CDC42BPB: variants seen among roughly 807,000 people sequenced by gnomAD.
CDC42BPB encodes CDC42 binding protein kinase beta.
A neutral mutation model predicts 214.9 loss-of-function variants in CDC42BPB; 37 were observed. That is an observed-to-expected ratio of 0.17 (90% CI 0.13 to 0.23). CDC42BPB has a LOEUF of 0.23. CDC42BPB is among the 10% of genes least tolerant of loss of function. The probability of loss-of-function intolerance (pLI) is 1.00; values close to 1 mark genes in which losing one functional copy is unlikely to be tolerated. For missense variants in CDC42BPB, 1,694 were observed against 2,227.0 expected, an observed-to-expected ratio of 0.76 and a Z score of 4.82; for synonymous variants, 931 against 884.0, an observed-to-expected ratio of 1.05 and a Z score of -0.94.
chr14:102,965,217 C>CCAGCG (rs1276585864), intron 18 of CDC42BPB, among the ~76,000 whole-genome samples: 1 of 152,080 alleles, frequency 6.6e-6, no homozygotes, highest in African/African-American at 2.4e-5. Flanking sequence ...CAGGCATGAG[C>CCAGCG]CGCTGCGCCT....
At chr14:103,055,177 C>T (rs1007946776) in intron 1 of CDC42BPB, among the ~76,000 whole-genome samples, 1 of 152,256 alleles carries the variant, frequency 6.6e-6, no homozygotes, top group African/African-American at 2.4e-5. Flanking sequence ...AATCCCAGCA[C>T]TTTGGGAGGC....
chr14:103,049,113 CA>C, intron 1 of CDC42BPB, among the ~76,000 whole-genome samples: 1 of 152,262 alleles, frequency 6.6e-6, no homozygotes. Flanking sequence ...AGTGGAGGGA[CA>C]ATGTAGAACA....
chr14:102,978,962 G>GT (rs1384503770), intron 8 of CDC42BPB, among the ~76,000 whole-genome samples: 1 of 152,190 alleles, frequency 6.6e-6, no homozygotes, highest in African/African-American at 2.4e-5. Context: ...AGCTGAGGTT[G>GT]TATCACTGTA....
At chr14:102,998,560 G>C (rs371902624) in intron 5 of CDC42BPB, among the ~76,000 whole-genome samples, 4 of 152,254 alleles carry the variant, frequency 2.6e-5, no homozygotes, top group African/African-American at 9.6e-5. Flanking sequence ...CTCAGGACAA[G>C]AGGGATGTGA....
chr14:103,014,825 C>CACT (rs1886363406), intron 1 of CDC42BPB, among the ~76,000 whole-genome samples: 1 of 152,122 alleles, frequency 6.6e-6, no homozygotes, highest in Non-Finnish European at 1.5e-5. Flanking sequence ...GAGCTGCACT[C>CACT]CAGCCTGGGC....
At chr14:103,043,578 T>C (rs1888127731) in intron 1 of CDC42BPB, among the ~76,000 whole-genome samples, 1 of 152,064 alleles carries the variant, frequency 6.6e-6, no homozygotes, top group Admixed American at 6.6e-5. Flanking sequence ...ATGGCGAAGA[T>C]GGTTGCATGA....
chr14:102,981,701 C>T (rs943807333), intron 7 of CDC42BPB, among the ~76,000 whole-genome samples: 5 of 152,104 alleles, frequency 3.3e-5, no homozygotes, highest in African/African-American at 1.2e-4. Flanking sequence ...CGCTTAAACT[C>T]GGGAGGTGCA....
rs57459341 is a variant in CDC42BPB at position 102,988,353 on chromosome 14, TAAAA to T, written c.597-1777_597-1774del. Among the ~76,000 whole-genome samples the T allele has an allele frequency of 3.3e-3, 409 of 124,200 alleles. 4 individuals carry two copies. The highest frequency in any genetic ancestry group is 0.011 in the African/African-American group (399 of 35,044). The allele number at this position is 124,200 out of a possible 152,430, so 81.5% of individuals were successfully genotyped here. On this transcript the variant is annotated intron_variant, in intron 5 of 36. Coordinates refer to ENST00000361246, the MANE Select transcript of CDC42BPB (RefSeq NM_006035.4). ...CAATCCAACAGAACTTTCCAGAAAT[TAAAA>T]AAAAAAAAAAAAATACCTGAATCTA...
rs1892866117 is a variant in CDC42BPB, at chr14:102,959,620, CAAT to C, written c.2901+8_2901+10del. 2.0e-6 allele frequency: 3 copies of C among 1,532,520 alleles called. No homozygotes were observed. Among genetic ancestry groups the C allele is most frequent in the African/African-American group, 1.4e-5 (1 of 71,532 alleles). The allele number at this position is 1,532,520 out of a possible 1,614,324, so 94.9% of individuals were successfully genotyped here. A position where few individuals can be genotyped will look rare whatever the true frequency, so the allele number is the denominator to read the frequency against. ...ACTCATCTGTCACTTAAAAAAAAAA[CAAT>C]GACTTACTCTAAATGTCAGGTCATG... On this transcript the variant is annotated splice_region_variant and intron_variant, in intron 21 of 36. Coordinates refer to ENST00000361246, the MANE Select transcript of CDC42BPB (RefSeq NM_006035.4).
At chr14:102,981,173 T>C (rs1308593217) in intron 7 of CDC42BPB, 152 bp from the exon 8 acceptor site, 2 of 1,442,310 alleles carry the variant, frequency 1.4e-6, no homozygotes, top group East Asian at 5.0e-5. Flanking sequence ...TAAATTTCCA[T>C]TCCCAAAAGG....
Position 103,021,276 on chromosome 14 carries a change from C to G in CDC42BPB, c.176-9088G>C, listed in dbSNP as rs1886756000. ...GAGATCGAGACCATCCTGGCTAACA[C>G]AGTGAAACCCCGTCTCTACTAAAAA... On this transcript the variant is annotated intron_variant, in intron 1 of 36. Coordinates refer to ENST00000361246, the MANE Select transcript of CDC42BPB (RefSeq NM_006035.4). Among the ~76,000 whole-genome samples, 3 of 152,110 alleles carry G rather than the reference C, an allele frequency of 2.0e-5. No homozygotes were observed. In the South Asian group the frequency reaches 6.2e-4, roughly 32 times the overall value.
Position 102,972,085 on chromosome 14 carries a change from G to A in CDC42BPB, c.1718C>T (p.Ala573Val), listed in dbSNP as rs1166159751. The change falls in exon 13 of 37, where the codon GCC becomes GTC. Residue 573 changes from alanine to valine, a missense_variant. By Grantham distance (64) the Ala-to-Val change is moderately conservative. Around this residue, in one of 7 missense-constraint regions of CDC42BPB, gnomAD observed 462 missense variants for 513.5 expected, o/e 0.90. Transcript: ENST00000361246. ...LKDAHQQRKL[A>V]LQEFSELNER... The stretch of plus-strand genomic sequence containing the variant: ...GTTCAGCTCCGAGAACTCCTGCAGG[G>A]CCAGCTTTCGCTGCTGATGGGCATC... The A allele has an allele frequency of 1.2e-6, 2 of 1,614,256 alleles. No homozygotes were observed. Among genetic ancestry groups the A allele is most frequent in the Middle Eastern group, 1.6e-4 (1 of 6,062 alleles).
At chr14:103,029,382 A>C (rs943393486) in intron 1 of CDC42BPB, among the ~76,000 whole-genome samples, 2 of 151,756 alleles carry the variant, frequency 1.3e-5, no homozygotes, top group African/African-American at 4.8e-5. Flanking sequence ...TCTACTAAAA[A>C]ATACAAAAAA....
At chr14:103,048,978 A>G (rs1375867610) in intron 1 of CDC42BPB, among the ~76,000 whole-genome samples, 1 of 152,216 alleles carries the variant, frequency 6.6e-6, no homozygotes, top group African/African-American at 2.4e-5. Flanking sequence ...TGTATCTTAC[A>G]TGGCTTAGCT....
intron 1 of CDC42BPB, among the ~76,000 whole-genome samples, chr14:103,045,465 CCCCGAGGAGCAGGCGCTGTCCAGCCA>C (rs775973505): frequency 1.1e-3 from 167 of 152,184 alleles, no homozygotes; most frequent in Admixed American, 2.8e-3. Flanking sequence ...ACCCTCCCAG[CCCCGAGGAGCAGGCGCTGTCCAGCCA>C]CCCGAGGAGC....
chr14:103,010,848 G>A (rs1886116645), intron 2 of CDC42BPB, among the ~76,000 whole-genome samples: 1 of 152,142 alleles, frequency 6.6e-6, no homozygotes, highest in African/African-American at 2.4e-5. Context: ...TGGCTAACAC[G>A]GTGAAACCCC....
chr14:102,935,007 C>G (rs12882640), intron 36 of CDC42BPB, among the ~76,000 whole-genome samples: 28,427 of 142,556 alleles, frequency 0.2, 2,873 homozygotes, highest in East Asian at 0.28. Flanking sequence ...GAGTGAGACT[C>G]TGTCTCAAAA....
At position 102,938,407 on chromosome 14, in the gene CDC42BPB, G is replaced by A. The variant is rs1339244595; in HGVS notation, c.4832C>T (p.Ala1611Val). The A allele has an allele frequency of 6.5e-7, 1 of 1,535,568 alleles. No homozygotes were observed. Among genetic ancestry groups the A allele is most frequent in the Admixed American group, 2.2e-5 (1 of 45,980 alleles). The part of the protein sequence containing the change: ...MQVLMDLPLS[A>V]VPPSQEERPG... ...CCTTTCCTCCTGGGAGGGGGGCACAGCACTCTGGGCAGAAATAGCAACACG... is the reference window on the plus strand; with the variant it reads ...CCTTTCCTCCTGGGAGGGGGGCACAACACTCTGGGCAGAAATAGCAACACG... Residue 1611 changes from alanine (A) to valine (V), a missense_variant, in exon 35 of 37, where the codon GCT becomes GTT. Physicochemically the swap from Ala to Val is moderately conservative, Grantham distance 64. This residue lies in a region of CDC42BPB where 146 missense variants were observed against 134.1 expected (regional missense o/e 1.09). Transcript: ENST00000361246.
Position 102,944,730 on chromosome 14 carries a change from C to G in CDC42BPB, c.3812-243G>C. The G allele has an allele frequency of 4.3e-6, 4 of 924,364 alleles. No individual in the cohort carries two copies. Among genetic ancestry groups the G allele is most frequent in the Non-Finnish European group, 5.2e-6 (4 of 774,546 alleles). The allele number at this position is 924,364 out of a possible 1,614,324, so 57.3% of individuals were successfully genotyped here. ...TCCTGGGGCAGCCTCGGGGGCTGGTCCAAAGGCTCCTCTGCCTCTGCTGCT... is the reference window on the plus strand; with the variant it reads ...TCCTGGGGCAGCCTCGGGGGCTGGTGCAAAGGCTCCTCTGCCTCTGCTGCT... On this transcript the variant is annotated intron_variant, in intron 29 of 36. Transcript: ENST00000361246. The surrounding 1 kb of genome is among the most constrained non-coding windows in gnomAD (Gnocchi z 6.6).
Sources: gnomAD v4.1 joint callset for allele counts (sites outside exome capture counted in the v4.1 genomes callset) on GRCh38, gnomAD v4.1.1 for gene constraint, gnomAD v4.1.1 regional missense constraint, Gnocchi (gnomAD v3.1) non-coding constraint, MANE v1.5 for transcripts, NCBI Gene and HGNC (gene_info 2026-07-23, HGNC 2026-07-21) for gene names.